The following MLIP variants were observed in gnomAD, a reference collection of about 807,000 sequenced individuals.
MLIP encodes muscular LMNA-interacting protein.
A neutral mutation model predicts 84.8 loss-of-function variants in MLIP; 79 were observed. That is an observed-to-expected ratio of 0.93 (90% CI 0.78 to 1.12). MLIP has a LOEUF of 1.12. Among genes scored for constraint, MLIP ranks in the 50% most tolerant of loss-of-function variants. The pLI, the probability that MLIP is intolerant of heterozygous loss-of-function variation, is 0.00. For missense variants in MLIP, 1,257 were observed against 1,160.6 expected, an observed-to-expected ratio of 1.08 and a Z score of -1.21; for synonymous variants, 504 against 463.0, an observed-to-expected ratio of 1.09 and a Z score of -1.14.
At chr6:54,200,146 G>A (rs1778569894) in intron 10 of MLIP, among the ~76,000 whole-genome samples, 1 of 152,140 alleles carries the variant, frequency 6.6e-6, no homozygotes, top group Admixed American at 6.6e-5. Flanking sequence ...TCTCTCTTCT[G>A]ATGTCACCCT....
At chr6:54,121,979 A>G (rs1321224246) in intron 2 of MLIP, among the ~76,000 whole-genome samples, 1 of 152,230 alleles carries the variant, frequency 6.6e-6, no homozygotes, top group Admixed American at 6.5e-5. Flanking sequence ...AATTAGCAAC[A>G]TTAAAAAATG....
rs188338965 is a variant in MLIP at position 54,134,620 on chromosome 6, A to G, written c.646-2095A>G. Among the ~76,000 whole-genome samples, 319 of 152,140 alleles carry G rather than the reference A, an allele frequency of 2.1e-3. 3 individuals carry two copies. The highest frequency in any genetic ancestry group is 3.3e-3 in the Admixed American group (51 of 15,280). On this transcript the variant is annotated intron_variant, in intron 3 of 13. Coordinates refer to ENST00000502396, the MANE Select transcript of MLIP (RefSeq NM_001281747.2). Reference sequence around the variant, plus strand: ...TAGGTAAAATATTAATTAATGTAGTAGAATGTTTGGTCATTAGAAGCCATA... The same window carrying G: ...TAGGTAAAATATTAATTAATGTAGTGGAATGTTTGGTCATTAGAAGCCATA...
intron 12 of MLIP, among the ~76,000 whole-genome samples, chr6:54,251,892 AAT>A (rs1491004578): frequency 1.3e-5 from 1 of 78,078 alleles, no homozygotes; most frequent in Non-Finnish European, 1.9e-5. Context: ...ATATAATATA[AAT>A]ATATATTATA....
At chr6:54,046,070 T>C (rs1179556783) in intron 1 of MLIP, 1 of 152,182 alleles carries the variant, frequency 6.6e-6, no homozygotes, top group Non-Finnish European at 1.5e-5. Context: ...GTGGGGAAGA[T>C]AATATTTTCA....
At chr6:54,213,128 T>C (rs1443588939) in intron 11 of MLIP, among the ~76,000 whole-genome samples, 1 of 152,190 alleles carries the variant, frequency 6.6e-6, no homozygotes, top group Non-Finnish European at 1.5e-5. Flanking sequence ...CAATAAACTT[T>C]GGGGATAACT....
At chr6:54,113,064 C>T (rs1208777513) in intron 1 of MLIP, among the ~76,000 whole-genome samples, 1 of 152,110 alleles carries the variant, frequency 6.6e-6, no homozygotes, top group Non-Finnish European at 1.5e-5. Context: ...GGTAAAGCTA[C>T]TTACTGCTTA....
intron 1 of MLIP, among the ~76,000 whole-genome samples, chr6:54,121,092 T>A (rs969211050): frequency 6.6e-6 from 1 of 152,160 alleles, no homozygotes; most frequent in Admixed American, 6.5e-5. Context: ...CAGGGTTAGA[T>A]GGATGAAAGC....
chr6:54,063,912 C>A (rs376261477), intron 1 of MLIP, among the ~76,000 whole-genome samples: 1 of 45,056 alleles, frequency 2.2e-5, no homozygotes. Flanking sequence ...CTTACGGCTT[C>A]AAATTAAATA....
chr6:54,192,402 G>A, intron 10 of MLIP, among the ~76,000 whole-genome samples: 1 of 151,916 alleles, frequency 6.6e-6, no homozygotes, highest in Admixed American at 6.6e-5. Flanking sequence ...ACCCGAGAGT[G>A]AAATAAATAG....
At chr6:54,252,308 A>C (rs1229022683) in intron 12 of MLIP, among the ~76,000 whole-genome samples, 1 of 118,930 alleles carries the variant, frequency 8.4e-6, no homozygotes, top group Non-Finnish European at 1.6e-5. Context: ...ATAATATATA[A>C]TATAACTATA....
intron 1 of MLIP, among the ~76,000 whole-genome samples, chr6:54,093,120 G>A (rs535913356): frequency 6.6e-6 from 1 of 152,106 alleles, no homozygotes; most frequent in South Asian, 2.1e-4. Flanking sequence ...TAGGTGATCT[G>A]CCTGCCTCAG....
chr6:54,251,565 A>T lies in MLIP; in HGVS notation c.2923-5743A>T, dbSNP rs1196087837. On this transcript the variant is annotated intron_variant, in intron 12 of 13. Transcript: ENST00000502396. ...ATATAGTATATATAGTAATATAAAT[A>T]TATATTATAGCATATAATATATAAT... Among the ~76,000 whole-genome samples the T allele has an allele frequency of 3.3e-5, 3 of 90,208 alleles. No individual in the cohort carries two copies. In the South Asian group the frequency reaches 7.9e-4, roughly 24 times the overall value. The allele number at this position is 90,208 out of a possible 152,430, so 59.2% of individuals were successfully genotyped here.
intron 8 of MLIP, among the ~76,000 whole-genome samples, chr6:54,166,401 T>C (rs1466367671): frequency 6.6e-6 from 1 of 151,922 alleles, no homozygotes; most frequent in Non-Finnish European, 1.5e-5. Context: ...TCCCCTTTTT[T>C]TATGTCACCA....
In MLIP at chr6:54,137,800, A is replaced by C; in HGVS notation, c.1731A>C (p.Arg577Ser). Residue 577 changes from arginine to serine, a missense_variant, in exon 4 of 14, where the codon AGA (arginine) becomes AGC (serine). Coordinates refer to ENST00000502396, the MANE Select transcript of MLIP (RefSeq NM_001281747.2). ...ACCTCAGGGGTCCAGAAAACCCCAG[A>C]AACATTCACACGTACCCTTCTACAT... ...DGDLRGPENP[R>S]NIHTYPSTLA... 1 of 1,536,100 alleles carries C rather than the reference A, an allele frequency of 6.5e-7. No homozygotes were observed. The highest frequency in any genetic ancestry group is 8.7e-7 in the Non-Finnish European group (1 of 1,146,904).
At chr6:54,057,367 A>G (rs1765722260) in intron 1 of MLIP, among the ~76,000 whole-genome samples, 1 of 152,238 alleles carries the variant, frequency 6.6e-6, no homozygotes, top group African/African-American at 2.4e-5. Flanking sequence ...ACAAAAATAA[A>G]CCAAACTTGT....
chr6:54,261,470 A>C (rs1226106946), intron 13 of MLIP, among the ~76,000 whole-genome samples: 2 of 152,088 alleles, frequency 1.3e-5, no homozygotes, highest in East Asian at 3.9e-4. Context: ...CCCATAAAAC[A>C]CATGCTAGGC....
chr6:54,259,541 A>G (rs532638386), intron 13 of MLIP, among the ~76,000 whole-genome samples: 8 of 152,026 alleles, frequency 5.3e-5, no homozygotes, highest in East Asian at 3.9e-4. Flanking sequence ...TTTGTGAGCC[A>G]AAGAGAATGG....
At chr6:54,220,927 A>T (rs1488902972) in intron 11 of MLIP, among the ~76,000 whole-genome samples, 2 of 152,082 alleles carry the variant, frequency 1.3e-5, no homozygotes, top group Non-Finnish European at 2.9e-5. Flanking sequence ...AGATATACAC[A>T]CACACACACA....
chr6:54,165,884 AG>A (rs1479773266), intron 8 of MLIP, among the ~76,000 whole-genome samples: 4 of 151,890 alleles, frequency 2.6e-5, no homozygotes, highest in African/African-American at 9.7e-5. Context: ...GAATGGGATA[AG>A]TTCCCTTACA....
Sources: allele counts gnomAD v4.1 joint callset (sites outside exome capture counted in the v4.1 genomes callset), GRCh38; gene constraint gnomAD v4.1.1; transcripts MANE v1.5; gene names NCBI Gene and HGNC (gene_info 2026-07-23, HGNC 2026-07-21).